The following SBNO1 variants were observed in gnomAD, a reference collection of about 807,000 sequenced individuals.
SBNO1 encodes protein strawberry notch homolog 1.
In SBNO1, 23 loss-of-function variants were observed where a neutral mutation model predicts 173.6. The observed-to-expected ratio is 0.13, with a 90% confidence interval of 0.10 to 0.19. SBNO1 has a LOEUF of 0.19. Among genes scored for constraint, SBNO1 ranks in the 10% least tolerant of loss-of-function variants. The pLI, the probability that SBNO1 is intolerant of heterozygous loss-of-function variation, is 1.00. For missense variants in SBNO1, 1,238 were observed against 1,671.2 expected, an observed-to-expected ratio of 0.74 and a Z score of 4.52; for synonymous variants, 632 against 571.5, an observed-to-expected ratio of 1.11 and a Z score of -1.51.
At chr12:123,303,359 T>G (rs1316301802) in intron 29 of SBNO1, among the ~76,000 whole-genome samples, 1 of 152,110 alleles carries the variant, frequency 6.6e-6, no homozygotes, top group Non-Finnish European at 1.5e-5. Context: ...CAAATAATCA[T>G]TTTAGGCTGG....
intron 1 of SBNO1, among the ~76,000 whole-genome samples, chr12:123,362,337 G>A (rs1331756635): frequency 6.8e-6 from 1 of 147,724 alleles, no homozygotes; most frequent in Non-Finnish European, 1.5e-5. Context: ...TTGGGAGGCT[G>A]AGGCAGGAGA....
chr12:123,326,087 T>G, intron 14 of SBNO1, 65 bp downstream of exon 14: 4 of 1,141,154 alleles, frequency 3.5e-6, no homozygotes, highest in Non-Finnish European at 4.7e-6. Flanking sequence ...GCAGAAAACC[T>G]CAGCACCCAC....
intron 17 of SBNO1, 98 bp downstream of exon 17, chr12:123,321,437 G>C: frequency 1.2e-6 from 1 of 857,576 alleles, no homozygotes; most frequent in South Asian, 1.7e-5. Flanking sequence ...TAATCTGTGT[G>C]ATCATTTGTA....
intron 20 of SBNO1, 39 bp from the exon 21 acceptor site, chr12:123,317,395 AAG>A (rs745877412): frequency 3.1e-6 from 5 of 1,603,942 alleles, no homozygotes; most frequent in Non-Finnish European, 4.3e-6. Context: ...ACTTTTGCAT[AAG>A]AACAAGCAGG....
rs2048555162 is a variant in SBNO1 at position 123,294,420 on chromosome 12, A to C, written c.*1488T>G. The C allele has an allele frequency of 6.6e-6, 1 of 152,186 alleles. No individual in the cohort carries two copies. The highest frequency in any genetic ancestry group is 2.4e-5 in the African/African-American group (1 of 41,414). 9.4% of individuals were successfully genotyped at this position (152,186 alleles called of 1,614,324 possible). A position where few individuals can be genotyped will look rare whatever the true frequency, so the allele number is the denominator to read the frequency against. ...ATTTTAGGGATAAGTTTTAAGCCAA[A>C]CTATAAGGCTACCTGGAATGCTGAG... On this transcript the variant is annotated 3_prime_UTR_variant, in exon 32 of 32. Transcript: ENST00000602398.
rs61388686 is a variant in SBNO1 at position 123,326,326 on chromosome 12, G to A, written c.1701C>T (p.Ile567=). 0.65 allele frequency: 1,039,108 copies of A among 1,592,136 alleles called. 350,945 individuals are homozygous for A. Among genetic ancestry groups the A allele is most frequent in the East Asian group, 0.72 (32,014 of 44,470 alleles). ...MYNKAVKLWV[I]ARERFQQAAD... ...CAGCTTGCTGAAACCGCTCTCTGGC[G>A]ATGACCCACTGAAGATACATAATCA... Residue 567 remains isoleucine, a synonymous_variant, in exon 14 of 32, where the codon ATC becomes ATT. Transcript: ENST00000602398.
In SBNO1 at chr12:123,326,176, A is replaced by G; in HGVS notation, c.1851T>C (p.Ala617=). ...ASKVKRVVQL[A]REEIKNGKCV... is the part of the protein sequence containing the mutation. ...CTTTTCCATTCTTGATTTCCTCTCG[A>G]GCTAGTTGCACAACCCTTTTAACTT... Residue 617 remains alanine, a synonymous_variant, in exon 14 of 32, where the codon GCT becomes GCC. Coordinates refer to ENST00000602398, the MANE Select transcript of SBNO1 (RefSeq NM_001167856.3). 2 of 1,608,796 alleles carry G rather than the reference A, an allele frequency of 1.2e-6. No homozygotes were observed. The highest frequency in any genetic ancestry group is 1.7e-6 in the Non-Finnish European group (2 of 1,177,092).
At chr12:123,338,649 C>CA (rs1390495936) in intron 5 of SBNO1, among the ~76,000 whole-genome samples, 2 of 152,048 alleles carry the variant, frequency 1.3e-5, no homozygotes, top group African/African-American at 2.4e-5. Context: ...TGCACCAATG[C>CA]ACTCCAGCCT....
At chr12:123,320,649 A>G in intron 18 of SBNO1, 42 bp from the exon 19 acceptor site, 2 of 1,599,516 alleles carry the variant, frequency 1.3e-6, no homozygotes, top group East Asian at 4.5e-5. Context: ...CAAAGTTTAA[A>G]TATTTTTGTT....
intron 30 of SBNO1, among the ~76,000 whole-genome samples, chr12:123,300,973 A>C (rs1320673000): frequency 6.7e-6 from 1 of 148,712 alleles, no homozygotes; most frequent in East Asian, 2.1e-4. Context: ...AAAAAAACAA[A>C]AAAAAACAAA....
intron 28 of SBNO1, among the ~76,000 whole-genome samples, chr12:123,307,906 T>G (rs2048959987): frequency 6.6e-6 from 1 of 152,092 alleles, no homozygotes; most frequent in African/African-American, 2.4e-5. Flanking sequence ...ACCCTGTCTC[T>G]ACTAAAAATA....
chr12:123,311,706 ATC>A (rs1425482149), intron 24 of SBNO1, among the ~76,000 whole-genome samples: 5 of 60,930 alleles, frequency 8.2e-5, no homozygotes, highest in Admixed American at 3.3e-4. Flanking sequence ...CTATCTATCT[ATC>A]TATCTATCTA....
chr12:123,311,691 CCTATCTAT>C lies in SBNO1; in HGVS notation c.3221-570_3221-563del, dbSNP rs1313680603. ...GTCATTACTTATAATAAACAAGTAACCTATCTATCTATCTATCTATCTATCTATCTATA... is the reference window on the plus strand; with the variant it reads ...GTCATTACTTATAATAAACAAGTAACCTATCTATCTATCTATCTATCTATA... On this transcript the variant is annotated intron_variant, in intron 24 of 31. Coordinates refer to ENST00000602398, the MANE Select transcript of SBNO1 (RefSeq NM_001167856.3). Among the ~76,000 whole-genome samples the C allele has an allele frequency of 3.3e-3, 404 of 121,754 alleles. 10 individuals carry two copies. The highest frequency in any genetic ancestry group is 3.9e-3 in the Middle Eastern group (1 of 258). 79.9% of individuals were successfully genotyped at this position (121,754 alleles called of 152,430 possible).
At position 123,299,706 on chromosome 12, in the gene SBNO1, A is replaced by G. The variant is rs564005494; in HGVS notation, c.3846-1535T>C. ...CAAAAAAAAAAAAAAAAAACAAAAA[A>G]GCCAAGTGTGTTGGCGCATGCCTGT... On this transcript the variant is annotated intron_variant, in intron 30 of 31. Transcript: ENST00000602398. Among the ~76,000 whole-genome samples, 459 of 151,578 alleles carry G rather than the reference A, an allele frequency of 3.0e-3. 2 individuals are homozygous for G. Among genetic ancestry groups the G allele is most frequent in the Non-Finnish European group, 5.6e-3 (377 of 67,836 alleles).
At chr12:123,305,153 T>C (rs1160519619) in intron 28 of SBNO1, among the ~76,000 whole-genome samples, 2 of 152,242 alleles carry the variant, frequency 1.3e-5, no homozygotes, top group Non-Finnish European at 2.9e-5. Context: ...CTCTGCTGTA[T>C]GTTTTTAAAC....
chr12:123,317,217 T>C lies in SBNO1; in HGVS notation c.2935+4A>G. On this transcript the variant is annotated splice_donor_region_variant and intron_variant, in intron 21 of 31. Transcript: ENST00000602398. The stretch of plus-strand genomic sequence containing the variant: ...TAAGTGAAATCCAGTTTGTAGGAAC[T>C]TACCGAACTGTTGAATTGCTCTATC... 6.2e-7 allele frequency: 1 copy of C among 1,613,954 alleles called. No homozygotes were observed. Among genetic ancestry groups the C allele is most frequent in the Non-Finnish European group, 8.5e-7 (1 of 1,179,892 alleles).
intron 30 of SBNO1, among the ~76,000 whole-genome samples, chr12:123,299,738 A>AGCTACTCAG (rs2048725440): frequency 6.6e-6 from 1 of 151,332 alleles, no homozygotes. Context: ...CTGTAATCCC[A>AGCTACTCAG]GCTACTCAGG....
intron 6 of SBNO1, among the ~76,000 whole-genome samples, chr12:123,334,553 C>T (rs1871605990): frequency 6.6e-6 from 1 of 151,926 alleles, no homozygotes. Flanking sequence ...ACTAAAAATA[C>T]AAAAATTAGC....
Position 123,325,612 on chromosome 12 carries a change from GAA to G in SBNO1, c.1876-15_1876-14del. ...CAATTACAACACACTGGAGAAAAAA[GAA>G]AACATGTTAATTATGAATAATAATG... On this transcript the variant is annotated splice_polypyrimidine_tract_variant and intron_variant, in intron 14 of 31. Coordinates refer to ENST00000602398, the MANE Select transcript of SBNO1 (RefSeq NM_001167856.3). 6.7e-7 allele frequency: 1 copy of G among 1,492,718 alleles called. No individual in the cohort carries two copies. The highest frequency in any genetic ancestry group is 9.3e-7 in the Non-Finnish European group (1 of 1,076,582). The allele number at this position is 1,492,718 out of a possible 1,614,324, so 92.5% of individuals were successfully genotyped here.
Sources: allele counts gnomAD v4.1 joint callset (sites outside exome capture counted in the v4.1 genomes callset), GRCh38; gene constraint gnomAD v4.1.1; transcripts MANE v1.5; gene names NCBI Gene and HGNC (gene_info 2026-07-23, HGNC 2026-07-21).